LYST: variants seen among roughly 807,000 people sequenced by gnomAD.
LYST encodes the protein lysosomal trafficking regulator.
A neutral mutation model predicts 413.6 loss-of-function variants in LYST; 192 were observed. The observed-to-expected ratio is 0.46, with a 90% CI of 0.41 to 0.52. The LOEUF is 0.52. Ranked by LOEUF, LYST falls within the 20% of genes least tolerant of loss-of-function variation. LYST has a pLI of 0.00. For missense variants in LYST, 3,815 were observed against 4,499.9 expected (o/e 0.85, Z 4.35); for synonymous variants, 1,525 against 1,567.3 (o/e 0.97, Z 0.64).
intron 43 of LYST, among the ~76,000 whole-genome samples, 192 bp from the exon 44 acceptor site, chr1:235,709,500 T>C (rs1256307037): frequency 7.1e-6 from 1 of 140,310 alleles, no homozygotes; most frequent in Admixed American, 6.8e-5. Context: ...AATAGGGCTA[T>C]GTGAGCTAAT....
chr1:235,845,986 A>G (rs911337676), intron 1 of LYST, among the ~76,000 whole-genome samples: 8 of 152,036 alleles, frequency 5.3e-5, no homozygotes, highest in African/African-American at 1.9e-4. Context: ...GTACTACTAC[A>G]GCTGATGCTT....
intron 28 of LYST, among the ~76,000 whole-genome samples, chr1:235,750,077 G>C (rs1666334479): frequency 6.6e-6 from 1 of 152,118 alleles, no homozygotes; most frequent in Non-Finnish European, 1.5e-5. Context: ...CATCTAAGCA[G>C]TCACTGACTA....
In LYST at chr1:235,738,469, A is replaced by G. The variant is rs547177553; in HGVS notation, c.8358+2953T>C. 4.3e-6 allele frequency: 7 copies of G among 1,612,518 alleles called. No individual in the cohort carries two copies. The South Asian group carries it at 7.7e-5, about 18-fold the overall frequency. ...GAAGATAATGGCTTTCCCAAAAACC[A>G]TGTTATTGGAAGTGGTTGCAATCTG... is the stretch of plus-strand genomic sequence containing the variant. On this transcript the variant is annotated intron_variant, in intron 31 of 52. Coordinates refer to ENST00000389793, the MANE Select transcript of LYST (RefSeq NM_000081.4).
At chr1:235,767,721 T>A (rs1668280879) in intron 20 of LYST, among the ~76,000 whole-genome samples, 1 of 152,122 alleles carries the variant, frequency 6.6e-6, no homozygotes, top group African/African-American at 2.4e-5. Flanking sequence ...TTAATAATCA[T>A]TTGTTCTCAC....
At chr1:235,689,162 T>C (rs967336642) in intron 47 of LYST, among the ~76,000 whole-genome samples, 1 of 152,258 alleles carries the variant, frequency 6.6e-6, no homozygotes, top group South Asian at 2.1e-4. Flanking sequence ...TCCAGTTTAG[T>C]CATTTGACTC....
chr1:235,817,296 A>G (rs1439868897), intron 3 of LYST, among the ~76,000 whole-genome samples: 1 of 152,226 alleles, frequency 6.6e-6, no homozygotes, highest in African/African-American at 2.4e-5. Flanking sequence ...TAGTTCAGCT[A>G]TTGTGGAAAG....
At chr1:235,829,792 T>G in intron 3 of LYST, 1 of 165,396 alleles carries the variant, frequency 6.0e-6, no homozygotes, top group Non-Finnish European at 1.3e-5. Flanking sequence ...GACTCAGTAA[T>G]TATTAGTTCA....
At chr1:235,767,175 T>TG in intron 20 of LYST, among the ~76,000 whole-genome samples, 1 of 152,214 alleles carries the variant, frequency 6.6e-6, no homozygotes, top group South Asian at 2.1e-4. Flanking sequence ...ATCTCCCCAG[T>TG]GGGTAGCAGC....
rs1673312680 is a variant in LYST, at chr1:235,810,170, T to C, written c.648A>G (p.Pro216=). Residue 216 remains proline (P), a synonymous_variant, in exon 5 of 53, where the codon CCA becomes CCG. Coordinates refer to ENST00000389793, the MANE Select transcript of LYST (RefSeq NM_000081.4). ...TGGAATTTTCCAAAGCCATAGCATC[T>C]GGAGGAGTCTGTTCTTTGGTTGCTA... The part of the protein sequence containing the change: ...DRLATKEQTP[P]DAMALENSRE... The C allele has an allele frequency of 6.2e-7, 1 of 1,614,064 alleles. No homozygotes were observed. Among genetic ancestry groups the C allele is most frequent in the Non-Finnish European group, 8.5e-7 (1 of 1,180,004 alleles).
chr1:235,767,869 CTTTCTATATCA>C (rs1668294506), intron 20 of LYST, among the ~76,000 whole-genome samples: 1 of 152,068 alleles, frequency 6.6e-6, no homozygotes, highest in African/African-American at 2.4e-5. Context: ...TTTCTCTGAA[CTTTCTATATCA>C]TTTGGTTCAA....
chr1:235,743,981 T>C lies in LYST; in HGVS notation c.8149A>G (p.Ile2717Val). 2 of 1,398,292 alleles carry C rather than the reference T, an allele frequency of 1.4e-6. No individual in the cohort carries two copies. The highest frequency in any genetic ancestry group is 1.2e-5 in the South Asian group (1 of 86,426). 86.6% of individuals were successfully genotyped at this position (1,398,292 alleles called of 1,614,324 possible). Residue 2717 changes from isoleucine to valine, a missense_variant and splice_region_variant, in exon 30 of 53, where the codon ATT becomes GTT. Physicochemically the swap from Ile to Val is conservative, Grantham distance 29. Around this residue, in one of 4 missense-constraint regions of LYST, gnomAD observed 771 missense variants for 837.1 expected, o/e 0.92. Transcript: ENST00000389793. ...TCCCATGTAATTAATTTACTTACAA[T>C]AGATACTTTGAATCCTTCTACCAGA... The part of the protein sequence containing the change: ...TYLVEGFKVS[I>V]GSSKASGSKQ...
At chr1:235,713,218 A>C (rs1167910886) in intron 42 of LYST, 1 of 985,008 alleles carries the variant, frequency 1.0e-6, no homozygotes, top group Non-Finnish European at 1.2e-6. Context: ...TTTTTCTCAG[A>C]AAGTAAGGAG....
chr1:235,832,015 T>C (rs1374234620), intron 2 of LYST, among the ~76,000 whole-genome samples: 2 of 152,242 alleles, frequency 1.3e-5, no homozygotes, highest in African/African-American at 2.4e-5. Context: ...AGACCATTCA[T>C]GCCACAGCAC....
At position 235,759,141 on chromosome 1, in the gene LYST, G is replaced by A; in HGVS notation, c.6712C>T (p.Arg2238Ter). 4 of 1,614,146 alleles carry A rather than the reference G, an allele frequency of 2.5e-6. No individual in the cohort carries two copies. The highest frequency in any genetic ancestry group is 3.4e-6 in the Non-Finnish European group (4 of 1,179,996). Reference protein sequence around the residue: ...DYLKGLASFQRSHSTIASLGL... With the variant: ...DYLKGLASFQ ...AGGCTTGCAATAGTGCTGTGGCTTC[G>A]CTGGAAGGAGGCCAATCCCTTTAGG... is the stretch of plus-strand genomic sequence containing the variant. The change falls in exon 23 of 53, where the codon CGA becomes TGA. Residue 2238 changes from arginine to a stop codon, truncating the protein, a stop_gained. Coordinates refer to ENST00000389793, the MANE Select transcript of LYST (RefSeq NM_000081.4). LOFTEE classifies it high-confidence loss of function.
chr1:235,877,705 C>T (rs533738529), intron 1 of LYST, among the ~76,000 whole-genome samples: 12 of 152,124 alleles, frequency 7.9e-5, no homozygotes, highest in African/African-American at 2.2e-4. Flanking sequence ...CGCGCCTGGC[C>T]GGTCAACTTT....
chr1:235,802,209 A>AC (rs1020502401), intron 8 of LYST, among the ~76,000 whole-genome samples: 1 of 150,726 alleles, frequency 6.6e-6, no homozygotes, highest in Non-Finnish European at 1.5e-5. Context: ...AAAAAAAAAA[A>AC]AAAAAAAAAA....
intron 31 of LYST, chr1:235,737,929 C>G: frequency 2.1e-3 from 2,462 of 1,171,664 alleles, no homozygotes; most frequent in South Asian, 0.015. Flanking sequence ...CTGGATCTCA[C>G]TGCCGCGTGC....
chr1:235,846,173 C>T (rs1041225905), intron 1 of LYST, among the ~76,000 whole-genome samples: 2 of 152,172 alleles, frequency 1.3e-5, no homozygotes, highest in Admixed American at 6.5e-5. Flanking sequence ...GGCTGAGAGA[C>T]CCATAGATGG....
At chr1:235,832,075 C>A (rs1008806389) in intron 2 of LYST, among the ~76,000 whole-genome samples, 3 of 152,162 alleles carry the variant, frequency 2.0e-5, no homozygotes, top group Non-Finnish European at 4.4e-5. Flanking sequence ...AAGCTACTAA[C>A]GTCATTCTAT....
Sources: gnomAD v4.1 joint callset for allele counts (sites outside exome capture counted in the v4.1 genomes callset) on GRCh38, gnomAD v4.1.1 for gene constraint, gnomAD v4.1.1 regional missense constraint, MANE v1.5 for transcripts, NCBI Gene and HGNC (gene_info 2026-07-23, HGNC 2026-07-21) for gene names.